Variants in PPARD observed in about 807,000 individuals in gnomAD.
The protein encoded by PPARD is peroxisome proliferator activated receptor delta.
A neutral mutation model predicts 39.5 loss-of-function variants in PPARD; 6 were observed. The observed-to-expected ratio is 0.15, with a 90% CI of 0.08 to 0.30. The LOEUF (loss-of-function observed/expected upper bound fraction) is 0.30. PPARD is among the 10% of genes least tolerant of loss of function. The probability of loss-of-function intolerance (pLI) is 1.00; values close to 1 mark genes in which losing one functional copy is unlikely to be tolerated. For synonymous variants in PPARD, 210 were observed against 231.3 expected (o/e 0.91, Z 0.83); for missense variants, 397 against 596.8 (o/e 0.67, Z 3.49).
intron 1 of PPARD, among the ~76,000 whole-genome samples, chr6:35,344,419 C>T (rs1263567026): frequency 2.6e-5 from 4 of 151,974 alleles, no homozygotes; most frequent in Non-Finnish European, 5.9e-5. Context: ...AGATCATCTT[C>T]TCTGGGGCTT....
intron 2 of PPARD, among the ~76,000 whole-genome samples, chr6:35,390,895 G>T (rs956548340): frequency 1.3e-5 from 2 of 152,074 alleles, no homozygotes; most frequent in Admixed American, 1.3e-4. Flanking sequence ...GGTGGCATGT[G>T]CCTGTAGTCC....
chr6:35,375,220 T>TCA (rs1762745012), intron 2 of PPARD, among the ~76,000 whole-genome samples: 1 of 133,676 alleles, frequency 7.5e-6, no homozygotes, highest in Admixed American at 7.6e-5. Flanking sequence ...TTTTTTTTTT[T>TCA]TTTTTTTTTT....
At chr6:35,348,544 G>A (rs1003584466) in intron 2 of PPARD, 29 of 985,308 alleles carry the variant, frequency 2.9e-5, no homozygotes, top group Non-Finnish European at 3.4e-5. Context: ...CCGGGGAAAC[G>A]TGGGCCTCCT....
intron 2 of PPARD, among the ~76,000 whole-genome samples, chr6:35,408,101 T>A (rs909863695): frequency 1.1e-4 from 16 of 152,246 alleles, no homozygotes; most frequent in Middle Eastern, 3.4e-3. Context: ...GCTTTCGGAC[T>A]TTTCACCCAC....
intron 2 of PPARD, among the ~76,000 whole-genome samples, chr6:35,348,138 T>C (rs1760996170): frequency 6.6e-6 from 1 of 150,544 alleles, no homozygotes; most frequent in Non-Finnish European, 1.5e-5. Flanking sequence ...AAACTCCTGA[T>C]GTCAGATGAT....
rs1562229331 is a variant in PPARD at position 35,425,335 on chromosome 6, GTCTGCATTTTT to G, written c.1079-485_1079-475del. On this transcript the variant is annotated intron_variant, in intron 7 of 7. Coordinates refer to ENST00000360694, the MANE Select transcript of PPARD (RefSeq NM_006238.5). The surrounding 1 kb of genome is among the most constrained non-coding windows in gnomAD (Gnocchi z 4.5). ...CATGTTAATGTGGGGTGGAAAAATT[GTCTGCATTTTT>G]TCTGCATTTTTAAAATTCCAACACA... The G allele has an allele frequency of 1.0e-6, 1 of 1,003,944 alleles. No homozygotes were observed. 62.2% of individuals were successfully genotyped at this position (1,003,944 alleles called of 1,614,324 possible). A position where few individuals can be genotyped will look rare whatever the true frequency, so the allele number is the denominator to read the frequency against.
chr6:35,360,316 T>C (rs891894311), intron 2 of PPARD, among the ~76,000 whole-genome samples: 8 of 152,152 alleles, frequency 5.3e-5, no homozygotes, highest in African/African-American at 1.9e-4. Flanking sequence ...AAGAGAAAAG[T>C]TGGCCCAGAT....
At chr6:35,372,186 T>C (rs180832299) in intron 2 of PPARD, among the ~76,000 whole-genome samples, 1 of 152,356 alleles carries the variant, frequency 6.6e-6, no homozygotes, top group Admixed American at 6.5e-5. Context: ...TTTATTTATT[T>C]TTATTTTTTG....
chr6:35,369,281 T>C (rs555563984), intron 2 of PPARD, among the ~76,000 whole-genome samples: 1 of 152,216 alleles, frequency 6.6e-6, no homozygotes, highest in African/African-American at 2.4e-5. Context: ...ATATTGAATG[T>C]TACTTTTTAG....
At chr6:35,368,807 A>T (rs1296238654) in intron 2 of PPARD, among the ~76,000 whole-genome samples, 1 of 152,182 alleles carries the variant, frequency 6.6e-6, no homozygotes, top group East Asian at 1.9e-4. Flanking sequence ...TCTGAGCTTT[A>T]TGGTGGCCTC....
At position 35,424,303 on chromosome 6, in the gene PPARD, G is replaced by C; in HGVS notation, c.628-26G>C. 1 of 1,606,738 alleles carries C rather than the reference G, an allele frequency of 6.2e-7. No individual in the cohort carries two copies. The highest frequency in any genetic ancestry group is 8.5e-7 in the Non-Finnish European group (1 of 1,174,420). On this transcript the variant is annotated intron_variant, in intron 6 of 7. Transcript: ENST00000360694. This position sits in a 1 kb window ranked among gnomAD's most constrained non-coding sequence, Gnocchi z 7.1. ...ACAGGGTGGGGGTCTCCCGAGGCCTGATCTCTAACGGGGCCTGGTTTTCAG... is the reference window on the plus strand; with the variant it reads ...ACAGGGTGGGGGTCTCCCGAGGCCTCATCTCTAACGGGGCCTGGTTTTCAG...
intron 3 of PPARD, among the ~76,000 whole-genome samples, chr6:35,413,824 C>T (rs1380873495): frequency 6.6e-6 from 1 of 152,030 alleles, no homozygotes; most frequent in East Asian, 1.9e-4. Flanking sequence ...GCTGGAATTA[C>T]AGGCGTGCAC....
chr6:35,403,796 C>A (rs973552056), intron 2 of PPARD, among the ~76,000 whole-genome samples: 2 of 151,654 alleles, frequency 1.3e-5, no homozygotes, highest in Non-Finnish European at 2.9e-5. Flanking sequence ...GAGGTGCAGA[C>A]AGGTCGCGAA....
Position 35,418,311 on chromosome 6 carries a change from G to A in PPARD, c.131-1816G>A, listed in dbSNP as rs575853998. On this transcript the variant is annotated intron_variant, in intron 3 of 7. Coordinates refer to ENST00000360694, the MANE Select transcript of PPARD (RefSeq NM_006238.5). Reference sequence around the variant, plus strand: ...GTTATCTCTTTTTCTTCCAACATCCGGTGCTGTGAGTTTTATTGTCCCTGT... The same window carrying A: ...GTTATCTCTTTTTCTTCCAACATCCAGTGCTGTGAGTTTTATTGTCCCTGT... 2.8e-5 allele frequency among the ~76,000 whole-genome samples: 4 copies of A among 144,806 alleles called. No homozygotes were observed. In the South Asian group the frequency reaches 6.9e-4, roughly 25 times the overall value. 95.0% of individuals were successfully genotyped at this position (144,806 alleles called of 152,430 possible). A position where few individuals can be genotyped will look rare whatever the true frequency, so the allele number is the denominator to read the frequency against.
intron 2 of PPARD, among the ~76,000 whole-genome samples, chr6:35,403,051 C>T (rs1235255967): frequency 6.6e-6 from 1 of 152,150 alleles, no homozygotes; most frequent in East Asian, 1.9e-4. Context: ...AGGCCCTTCT[C>T]CCTGAAAAAA....
chr6:35,423,054 C>CATA (rs1766292240), intron 5 of PPARD, among the ~76,000 whole-genome samples: 1 of 71,714 alleles, frequency 1.4e-5, no homozygotes, highest in Non-Finnish European at 2.4e-5. Flanking sequence ...CTCATCTCTA[C>CATA]AAAAAAAAAA....
intron 2 of PPARD, among the ~76,000 whole-genome samples, chr6:35,395,669 G>A (rs1290597180): frequency 3.3e-5 from 5 of 152,220 alleles, no homozygotes; most frequent in Admixed American, 6.5e-5. Context: ...GACCAGGAAT[G>A]GCAGTTAGTT....
chr6:35,420,448 C>T (rs1766073066), intron 4 of PPARD, among the ~76,000 whole-genome samples, 167 bp downstream of exon 4: 2 of 152,180 alleles, frequency 1.3e-5, no homozygotes, highest in African/African-American at 4.8e-5. Context: ...CAGCTCTGGG[C>T]ACTGCAGGAG....
chr6:35,391,875 T>G (rs1764021164), intron 2 of PPARD, among the ~76,000 whole-genome samples: 2 of 151,536 alleles, frequency 1.3e-5, no homozygotes, highest in East Asian at 3.9e-4. Context: ...GTGACAGAGC[T>G]AGGATTCAAA....
Sources: allele counts gnomAD v4.1 joint callset (sites outside exome capture counted in the v4.1 genomes callset), GRCh38; gene constraint gnomAD v4.1.1; non-coding constraint Gnocchi (gnomAD v3.1); transcripts MANE v1.5; gene names NCBI Gene and HGNC (gene_info 2026-07-23, HGNC 2026-07-21).